The following RIPK1 variants were observed in gnomAD, a reference collection of about 807,000 sequenced individuals.
The protein encoded by RIPK1 is receptor interacting serine/threonine kinase 1.
In RIPK1, 27 loss-of-function variants were observed where a neutral mutation model predicts 62.4. That is an observed-to-expected ratio of 0.43 (90% CI 0.32 to 0.60). The LOEUF is 0.60. Among genes scored for constraint, RIPK1 ranks in the 20% least tolerant of loss-of-function variants. The probability of loss-of-function intolerance (pLI) is 0.07; values close to 1 mark genes in which losing one functional copy is unlikely to be tolerated. For synonymous variants in RIPK1, 287 were observed against 303.2 expected (o/e 0.95, Z 0.55); for missense variants, 735 against 831.0 (o/e 0.88, Z 1.42).
At chr6:3,081,868 A>T (rs1261189201) in intron 4 of RIPK1, among the ~76,000 whole-genome samples, 3 of 2,984 alleles carry the variant, frequency 1.0e-3, no homozygotes, top group Non-Finnish European at 2.5e-3. Context: ...CTTAAAAAAA[A>T]AAAAAAAAAA....
At chr6:3,098,576 C>A (rs1453141623) in intron 7 of RIPK1, among the ~76,000 whole-genome samples, 1 of 152,148 alleles carries the variant, frequency 6.6e-6, no homozygotes, top group African/African-American at 2.4e-5. Flanking sequence ...GGAGTGCAAT[C>A]CTAATTAAAA....
At chr6:3,075,839 CTTTT>C (rs10602513) in intron 1 of RIPK1, among the ~76,000 whole-genome samples, 15 of 147,242 alleles carry the variant, frequency 1.0e-4, no homozygotes, top group African/African-American at 1.7e-4. Flanking sequence ...TTTGCACAAA[CTTTT>C]TTTTTTTTTT....
At chr6:3,070,612 ATTTT>A (rs1758660636) in intron 1 of RIPK1, among the ~76,000 whole-genome samples, 1 of 150,762 alleles carries the variant, frequency 6.6e-6, no homozygotes, top group Non-Finnish European at 1.5e-5. Flanking sequence ...TAATTTTTGT[ATTTT>A]TAGTAGAGAC....
At chr6:3,089,548 T>C in intron 6 of RIPK1, 33 bp from the exon 7 acceptor site, 1 of 994,324 alleles carries the variant, frequency 1.0e-6, no homozygotes, top group Non-Finnish European at 1.6e-6. Flanking sequence ...TAGAAAATAA[T>C]TAAGAAATTT....
intron 9 of RIPK1, among the ~76,000 whole-genome samples, chr6:3,108,941 C>T (rs1429372678): frequency 4.6e-5 from 7 of 152,274 alleles, no homozygotes; most frequent in African/African-American, 4.8e-5. Context: ...GGTGTGCTGA[C>T]GGAGGTACCT....
At chr6:3,106,439 C>T (rs963438516) in intron 9 of RIPK1, among the ~76,000 whole-genome samples, 4 of 152,124 alleles carry the variant, frequency 2.6e-5, no homozygotes, top group Non-Finnish European at 5.9e-5. Context: ...TTGTTTCTGA[C>T]CTTATATAGC....
Position 3,106,058 on chromosome 6 carries a change from G to C in RIPK1, c.1576+7G>C. 2.5e-6 allele frequency: 4 copies of C among 1,578,162 alleles called. No individual in the cohort carries two copies. Among genetic ancestry groups the C allele is most frequent in the Non-Finnish European group, 3.5e-6 (4 of 1,152,686 alleles). On this transcript the variant is annotated splice_region_variant and intron_variant, in intron 9 of 10. Transcript: ENST00000259808. ...AGCTCCTTGCCACCAACAGGTAAAT[G>C]GGTCTTCGATAGTCACAAGCTTGTC...
At position 3,085,289 on chromosome 6, in the gene RIPK1, G is replaced by A; in HGVS notation, c.719G>A (p.Cys240Tyr). The A allele has an allele frequency of 1.2e-6, 2 of 1,614,214 alleles. No individual in the cohort carries two copies. Among genetic ancestry groups the A allele is most frequent in the Non-Finnish European group, 1.7e-6 (2 of 1,180,026 alleles). ...ATCTGTGAGCAGCAGTTGATAATGT[G>A]CATAAAATCTGGGAACAGGCCAGAT... ...NAICEQQLIM[C>Y]IKSGNRPDVD... The change falls in exon 6 of 11, where the codon TGC becomes TAC. Residue 240 changes from cysteine (C) to tyrosine (Y), a missense_variant. Cys to Tyr is a radical substitution (Grantham distance 194, BLOSUM62 -2). Around this residue, in one of 2 missense-constraint regions of RIPK1, gnomAD observed 671 missense variants for 726.2 expected, o/e 0.92. Coordinates refer to ENST00000259808, the MANE Select transcript of RIPK1 (RefSeq NM_001354930.2).
chr6:3,085,387 G>A lies in RIPK1; in HGVS notation c.817G>A (p.Glu273Lys). 10 of 1,614,184 alleles carry A rather than the reference G, an allele frequency of 6.2e-6. No homozygotes were observed. Among genetic ancestry groups the A allele is most frequent in the Non-Finnish European group, 8.5e-6 (10 of 1,180,018 alleles). Residue 273 changes from glutamate (E) to lysine (K), a missense_variant, in exon 6 of 11, where the codon GAA (glutamate) becomes AAA (lysine). Physicochemically the swap from Glu to Lys is moderately conservative, Grantham distance 56 (BLOSUM62 1). This residue lies in a region of RIPK1 where 671 missense variants were observed against 726.2 expected (regional missense o/e 0.92). Coordinates refer to ENST00000259808, the MANE Select transcript of RIPK1 (RefSeq NM_001354930.2). ...GAAGCTCTGCTGGGAAGCGAATCCG[G>A]AAGCTCGGCCGACATTTCCTGGTAA... ...LMKLCWEANPEARPTFPGIEE... is the reference protein window; with the variant it reads ...LMKLCWEANPKARPTFPGIEE...
At chr6:3,080,093 C>A (rs1759298664) in intron 3 of RIPK1, among the ~76,000 whole-genome samples, 1 of 152,206 alleles carries the variant, frequency 6.6e-6, no homozygotes, top group Non-Finnish European at 1.5e-5. Context: ...TTTTCTGCTA[C>A]TTTCTGTATG....
intron 3 of RIPK1, among the ~76,000 whole-genome samples, chr6:3,078,503 C>T (rs918417106): frequency 1.3e-5 from 2 of 152,216 alleles, no homozygotes; most frequent in African/African-American, 4.8e-5. Flanking sequence ...TACCTGTCCG[C>T]TGCTCTGCAA....
At chr6:3,090,788 G>A (rs1445230062) in intron 7 of RIPK1, among the ~76,000 whole-genome samples, 2 of 147,222 alleles carry the variant, frequency 1.4e-5, no homozygotes, top group Non-Finnish European at 1.5e-5. Flanking sequence ...CCTAGTAACC[G>A]CAGAGCGCCT....
intron 5 of RIPK1, 91 bp from the exon 6 acceptor site, chr6:3,085,168 A>G: frequency 7.2e-7 from 1 of 1,398,540 alleles, no homozygotes; most frequent in Non-Finnish European, 1.0e-6. Context: ...GCTGTACCAG[A>G]GGCTGAGAAA....
intron 1 of RIPK1, among the ~76,000 whole-genome samples, chr6:3,074,286 A>G (rs1758934406): frequency 4.6e-5 from 7 of 152,254 alleles, no homozygotes; most frequent in Admixed American, 3.3e-4. Flanking sequence ...ATAGAATTAC[A>G]TAGTATGTAT....
upstream of RIPK1, chr6:3,068,183 G>C: frequency 1.0e-6 from 1 of 981,128 alleles, no homozygotes. Context: ...CCACTTTACA[G>C]ATGAAGGTAG....
intron 3 of RIPK1, among the ~76,000 whole-genome samples, chr6:3,080,011 G>A (rs1204755050): frequency 6.6e-6 from 1 of 152,150 alleles, no homozygotes; most frequent in Non-Finnish European, 1.5e-5. Flanking sequence ...AGAGGAGAGA[G>A]GGGGACCAAC....
upstream of RIPK1, chr6:3,068,334 G>T (rs1274505012): frequency 2.0e-6 from 2 of 985,228 alleles, no homozygotes; most frequent in African/African-American, 3.5e-5. Flanking sequence ...TTTTACGTAG[G>T]CCGCCCCACT....
intron 6 of RIPK1, among the ~76,000 whole-genome samples, chr6:3,088,514 T>C (rs1759849098): frequency 6.6e-6 from 1 of 152,244 alleles, no homozygotes; most frequent in African/African-American, 2.4e-5. Context: ...GCGCTCATTA[T>C]CAGCTGGCAG....
intron 3 of RIPK1, 147 bp from the exon 4 acceptor site, chr6:3,080,832 A>T: frequency 5.1e-6 from 2 of 393,254 alleles, no homozygotes; most frequent in Admixed American, 4.4e-5. Flanking sequence ...CTTGTTTCCC[A>T]GTGACAGCAG....
Sources: allele counts gnomAD v4.1 joint callset (sites outside exome capture counted in the v4.1 genomes callset), GRCh38; gene constraint gnomAD v4.1.1; regional missense constraint gnomAD v4.1.1; transcripts MANE v1.5; gene names NCBI Gene and HGNC (gene_info 2026-07-23, HGNC 2026-07-21).